CHCHD6: variants seen among roughly 807,000 people sequenced by gnomAD.
The protein encoded by CHCHD6 is MICOS complex subunit MIC25.
A neutral mutation model predicts 32.3 loss-of-function variants in CHCHD6; 28 were observed. The ratio of observed to expected loss-of-function variants is 0.87; its 90% CI spans 0.64 to 1.19. CHCHD6 has a LOEUF of 1.19. Ranked by LOEUF, CHCHD6 falls within the 50% of genes most tolerant of loss-of-function variation. The probability of loss-of-function intolerance (pLI) is 0.00; values close to 1 mark genes in which losing one functional copy is unlikely to be tolerated. For missense variants in CHCHD6, 333 were observed against 307.0 expected, an observed-to-expected ratio of 1.08 and a Z score of -0.63; for synonymous variants, 122 against 117.5, an observed-to-expected ratio of 1.04 and a Z score of -0.25.
intron 5 of CHCHD6, among the ~76,000 whole-genome samples, chr3:126,899,732 T>A (rs2077895132): frequency 6.6e-6 from 1 of 152,222 alleles, no homozygotes; most frequent in Non-Finnish European, 1.5e-5. Context: ...CATGGCACAT[T>A]GGAAAGGGAC....
In CHCHD6 at chr3:126,725,707, A is replaced by G. The variant is rs1002213086; in HGVS notation, c.88-1371A>G. Among the ~76,000 whole-genome samples the G allele has an allele frequency of 2.0e-5, 3 of 152,244 alleles. No individual in the cohort carries two copies. In the East Asian group the frequency reaches 5.8e-4, roughly 29 times the overall value. On this transcript the variant is annotated intron_variant, in intron 1 of 7. Coordinates refer to ENST00000290913, the MANE Select transcript of CHCHD6 (RefSeq NM_032343.3). Reference sequence around the variant, plus strand: ...TACCTTCATCAATGATCTTACATAGATCTTCTGGATAACTTGCTGCAGCCT... The same window carrying G: ...TACCTTCATCAATGATCTTACATAGGTCTTCTGGATAACTTGCTGCAGCCT...
intron 4 of CHCHD6, among the ~76,000 whole-genome samples, chr3:126,823,535 T>C (rs1940241491): frequency 6.6e-6 from 1 of 152,238 alleles, no homozygotes; most frequent in Non-Finnish European, 1.5e-5. Flanking sequence ...CTTGTTAGTA[T>C]ATAGGAATAT....
At chr3:126,955,896 A>C (rs890511350) in intron 6 of CHCHD6, among the ~76,000 whole-genome samples, 1 of 152,160 alleles carries the variant, frequency 6.6e-6, no homozygotes, top group Non-Finnish European at 1.5e-5. Context: ...ACTGCGCTGC[A>C]TACAGTGGCC....
intron 4 of CHCHD6, among the ~76,000 whole-genome samples, chr3:126,791,999 G>A (rs980290548): frequency 6.6e-6 from 1 of 152,044 alleles, no homozygotes; most frequent in African/African-American, 2.4e-5. Context: ...CTTATTTCAC[G>A]AAGTATAACG....
intron 1 of CHCHD6, among the ~76,000 whole-genome samples, chr3:126,712,167 C>T (rs1934778068): frequency 2.0e-5 from 3 of 152,188 alleles, no homozygotes; most frequent in South Asian, 4.1e-4. Flanking sequence ...CTTGGTGGTT[C>T]TGAAACTCAC....
chr3:126,738,426 G>T (rs1206939013), intron 4 of CHCHD6, among the ~76,000 whole-genome samples: 2 of 152,328 alleles, frequency 1.3e-5, no homozygotes, highest in East Asian at 3.9e-4. Context: ...CTAAAATTAT[G>T]AGGGAGGTGG....
intron 4 of CHCHD6, among the ~76,000 whole-genome samples, chr3:126,809,644 AT>A (rs1438349426): frequency 2.0e-5 from 3 of 152,186 alleles, no homozygotes; most frequent in East Asian, 3.9e-4. Context: ...AAGAAGATAA[AT>A]TTTTTTCCCT....
At chr3:126,772,163 G>A (rs745999243) in intron 4 of CHCHD6, among the ~76,000 whole-genome samples, 1 of 152,080 alleles carries the variant, frequency 6.6e-6, no homozygotes, top group African/African-American at 2.4e-5. Flanking sequence ...GTGTAGTGGC[G>A]CAATCTCGGC....
chr3:126,948,960 G>T (rs2078677076), intron 6 of CHCHD6, among the ~76,000 whole-genome samples: 1 of 152,198 alleles, frequency 6.6e-6, no homozygotes. Flanking sequence ...TGGCTCATGT[G>T]GGCCAAACCC....
intron 5 of CHCHD6, among the ~76,000 whole-genome samples, chr3:126,873,268 C>A (rs984786124): frequency 2.6e-5 from 4 of 152,158 alleles, no homozygotes; most frequent in African/African-American, 9.7e-5. Flanking sequence ...CTGAATGAGA[C>A]CTGGTGGTTG....
chr3:126,768,410 T>C (rs574093787), intron 4 of CHCHD6, among the ~76,000 whole-genome samples: 41 of 152,200 alleles, frequency 2.7e-4, no homozygotes, highest in African/African-American at 9.4e-4. Flanking sequence ...AAGAACTTGT[T>C]CTTCTTGTGT....
At chr3:126,862,321 T>C (rs1330220575) in intron 5 of CHCHD6, among the ~76,000 whole-genome samples, 13 of 118,376 alleles carry the variant, frequency 1.1e-4, no homozygotes, top group East Asian at 2.9e-4. Context: ...CATCACCTCC[T>C]CCTCCTCCAC....
At chr3:126,781,501 G>A (rs188508564) in intron 4 of CHCHD6, among the ~76,000 whole-genome samples, 2 of 152,322 alleles carry the variant, frequency 1.3e-5, no homozygotes, top group Non-Finnish European at 2.9e-5. Context: ...GTTGCAATCT[G>A]CTTGTTAGAA....
rs531410037 is a variant in CHCHD6 at position 126,907,197 on chromosome 3, T to G, written c.496-7483T>G. Among the ~76,000 whole-genome samples the G allele has an allele frequency of 1.2e-4, 19 of 152,328 alleles. No individual in the cohort carries two copies. In the South Asian group the frequency reaches 3.7e-3, roughly 30 times the overall value. On this transcript the variant is annotated intron_variant, in intron 5 of 7. Transcript: ENST00000290913. ...ATGGAAGGTTCAGTTGAGCTGACTT[T>G]GCATTGACTGTAGTCAGGGCAGATC...
intron 4 of CHCHD6, among the ~76,000 whole-genome samples, chr3:126,821,614 A>C (rs1009007549): frequency 6.6e-6 from 1 of 152,178 alleles, no homozygotes; most frequent in African/African-American, 2.4e-5. Context: ...CTTAAGTTTA[A>C]ATTTTTGAAG....
At chr3:126,946,206 G>A (rs2078636269) in intron 6 of CHCHD6, among the ~76,000 whole-genome samples, 1 of 152,162 alleles carries the variant, frequency 6.6e-6, no homozygotes, top group Non-Finnish European at 1.5e-5. Context: ...TCATCCCCCA[G>A]CACCAAAGGC....
Position 126,704,311 on chromosome 3 carries a change from C to T in CHCHD6, c.-2C>T. 1 of 1,603,748 alleles carries T rather than the reference C, an allele frequency of 6.2e-7. No individual in the cohort carries two copies. Among genetic ancestry groups the T allele is most frequent in the Non-Finnish European group, 8.5e-7 (1 of 1,177,420 alleles). ...TGGCTGCCGGCCCTGCGGCATCTCG[C>T]CATGGGGAGCACGGAGAGCAGCGAG... On this transcript the variant is annotated 5_prime_UTR_variant, in exon 1 of 8. Transcript: ENST00000290913.
intron 6 of CHCHD6, among the ~76,000 whole-genome samples, chr3:126,943,002 T>G (rs1332988649): frequency 6.6e-6 from 1 of 152,212 alleles, no homozygotes; most frequent in Non-Finnish European, 1.5e-5. Flanking sequence ...TCCTTTTCCA[T>G]GTGTAAATCT....
chr3:126,789,543 T>C (rs1938413854), intron 4 of CHCHD6, among the ~76,000 whole-genome samples: 1 of 152,240 alleles, frequency 6.6e-6, no homozygotes. Context: ...TAGTTAGCTC[T>C]TCTTGTTGAA....
Sources: allele counts gnomAD v4.1 joint callset (sites outside exome capture counted in the v4.1 genomes callset), GRCh38; gene constraint gnomAD v4.1.1; transcripts MANE v1.5; gene names NCBI Gene and HGNC (gene_info 2026-07-23, HGNC 2026-07-21).